The following MGAM variants were observed in gnomAD, a reference collection of about 807,000 sequenced individuals.
The protein encoded by MGAM is maltase-glucoamylase.
Under a neutral mutation model 358.8 loss-of-function variants are expected in MGAM, and 253 were observed. The ratio of observed to expected loss-of-function variants is 0.71; its 90% CI spans 0.64 to 0.78. The LOEUF is 0.78. Ranked by LOEUF, MGAM falls within the 30% of genes least tolerant of loss-of-function variation. The pLI is 0.00. For missense variants in MGAM, 3,080 were observed against 3,432.6 expected (o/e 0.90, Z 2.57); for synonymous variants, 1,105 against 1,227.1 (o/e 0.90, Z 2.08).
At position 142,059,965 on chromosome 7, in the gene MGAM, A is replaced by G; in HGVS notation, c.4058A>G (p.Lys1353Arg). ...AATGATGGAGACATTGTCTGGGGAA[A>G]GGTATAATCCTAAGCGATGATCCAC... Reference protein sequence around the residue: ...YPNDGDIVWGKVWPDFPDVVV... With the variant: ...YPNDGDIVWGRVWPDFPDVVV... The change falls in exon 33 of 71, where the codon AAG becomes AGG. Residue 1353 changes from lysine to arginine, a missense_variant and splice_region_variant. By Grantham distance (26) the Lys-to-Arg change is conservative. This residue lies in a region of MGAM where 1,816 missense variants were observed against 1,840.5 expected (regional missense o/e 0.99). Coordinates refer to ENST00000475668, the MANE Select transcript of MGAM (RefSeq NM_001365693.1). 6.2e-7 allele frequency: 1 copy of G among 1,600,468 alleles called. No homozygotes were observed. The highest frequency in any genetic ancestry group is 8.5e-7 in the Non-Finnish European group (1 of 1,173,146).
At chr7:142,021,784 G>A in intron 6 of MGAM, 47 bp downstream of exon 6, 1 of 1,594,960 alleles carries the variant, frequency 6.3e-7, no homozygotes, top group Non-Finnish European at 8.6e-7. Context: ...AAGGTTACAG[G>A]GAGGTCTGTA....
chr7:142,041,652 A>C (rs1808562941), intron 21 of MGAM, among the ~76,000 whole-genome samples: 1 of 151,298 alleles, frequency 6.6e-6, no homozygotes, highest in African/African-American at 2.4e-5. Flanking sequence ...ACCTTCATGT[A>C]CATACAGACC....
intron 24 of MGAM, 50 bp downstream of exon 24, chr7:142,050,914 C>T (rs561416235): frequency 1.9e-5 from 31 of 1,610,832 alleles, no homozygotes; most frequent in East Asian, 1.1e-4. Flanking sequence ...TCCATAGCAT[C>T]GTGATGTTCC....
chr7:141,999,739 T>C (rs60906512), intron 1 of MGAM, among the ~76,000 whole-genome samples: 2 of 152,162 alleles, frequency 1.3e-5, no homozygotes, highest in East Asian at 1.9e-4. Flanking sequence ...TTAAAAAACA[T>C]TTTTAAAAGC....
intron 3 of MGAM, among the ~76,000 whole-genome samples, chr7:142,013,331 T>TCA (rs1805739670): frequency 6.6e-6 from 1 of 152,100 alleles, no homozygotes; most frequent in Non-Finnish European, 1.5e-5. Flanking sequence ...AAATGGTTGA[T>TCA]GCCACTGACT....
At chr7:142,041,994 ATATAT>A (rs1808773929) in intron 21 of MGAM, among the ~76,000 whole-genome samples, 1 of 14,282 alleles carries the variant, frequency 7.0e-5, no homozygotes, top group African/African-American at 2.4e-4. Context: ...TATAATATAT[ATATAT>A]TATATATATA....
intron 65 of MGAM, among the ~76,000 whole-genome samples, chr7:142,097,067 T>C (rs542615087): frequency 6.6e-6 from 1 of 152,142 alleles, no homozygotes; most frequent in Admixed American, 6.5e-5. Flanking sequence ...TAGCTAGGAC[T>C]ACAGGCACGT....
At chr7:142,022,089 C>G (rs1036321224) in intron 6 of MGAM, among the ~76,000 whole-genome samples, 179 bp from the exon 7 acceptor site, 5 of 152,228 alleles carry the variant, frequency 3.3e-5, no homozygotes, top group Admixed American at 2.6e-4. Flanking sequence ...TGCACATGGT[C>G]CCTTTCTTCA....
intron 10 of MGAM, 159 bp from the exon 11 acceptor site, chr7:142,030,203 A>G (rs745863571): frequency 2.1e-5 from 17 of 803,738 alleles, no homozygotes; most frequent in Admixed American, 1.5e-4. Context: ...TTTGAAATCA[A>G]CATTGGAAAA....
Position 142,086,256 on chromosome 7 carries a change from T to A in MGAM, c.6675T>A (p.Pro2225=). The part of the protein sequence containing the change: ...AISGNETQPY[P]AFTRGVEDDV... ...CTGGCAATGAGACACAGCCCTATCCTGCCTTCACTCGGGGCGTGGAGGATG... is the reference window on the plus strand; with the variant it reads ...CTGGCAATGAGACACAGCCCTATCCAGCCTTCACTCGGGGCGTGGAGGATG... The change falls in exon 56 of 71, where the codon CCT becomes CCA. Residue 2225 remains proline (P), a synonymous_variant. Transcript: ENST00000475668. 6.5e-7 allele frequency: 1 copy of A among 1,544,510 alleles called. No individual in the cohort carries two copies.
At chr7:142,007,537 A>G (rs950440428) in intron 2 of MGAM, among the ~76,000 whole-genome samples, 2 of 152,168 alleles carry the variant, frequency 1.3e-5, no homozygotes, top group Non-Finnish European at 2.9e-5. Context: ...AACTAAAACC[A>G]TTATGCAGAC....
intron 21 of MGAM, among the ~76,000 whole-genome samples, chr7:142,041,489 T>G (rs189648692): frequency 1.6e-4 from 24 of 152,234 alleles, no homozygotes; most frequent in African/African-American, 5.1e-4. Flanking sequence ...ACCTTCAAGC[T>G]GTTCTGCACA....
At chr7:141,998,545 TG>T (rs1554449581) in intron 1 of MGAM, among the ~76,000 whole-genome samples, 2 of 152,204 alleles carry the variant, frequency 1.3e-5, no homozygotes, top group African/African-American at 4.8e-5. Context: ...CTGAGAATGA[TG>T]GCTTCCAGTT....
chr7:142,074,110 A>G lies in MGAM; in HGVS notation c.5212A>G (p.Ile1738Val). 1 of 1,544,356 alleles carries G rather than the reference A, an allele frequency of 6.5e-7. No homozygotes were observed. The highest frequency in any genetic ancestry group is 1.7e-5 in the Admixed American group (1 of 58,308). The change falls in exon 45 of 71, where the codon ATT becomes GTT. Residue 1738 changes from isoleucine (I) to valine (V), a missense_variant. Ile to Val is a conservative substitution (Grantham distance 29). Transcript: ENST00000475668. ...LSRKNPLGLI[I>V]ALDENKEAKG... ...TCGAAAGAACCCTCTTGGTCTTATT[A>G]TTGCCCTAGATGAAAACAAAGAAGC... is the stretch of plus-strand genomic sequence containing the variant.
intron 47 of MGAM, among the ~76,000 whole-genome samples, chr7:142,077,366 G>T (rs932878874): frequency 6.9e-5 from 10 of 145,362 alleles, no homozygotes; most frequent in African/African-American, 2.2e-4. Flanking sequence ...GGGACTAGTA[G>T]AACAGGGAAG....
At chr7:142,060,240 C>G in intron 33 of MGAM, 71 bp from the exon 34 acceptor site, 1 of 1,570,488 alleles carries the variant, frequency 6.4e-7, no homozygotes, top group Non-Finnish European at 8.7e-7. Flanking sequence ...GTTTGTATAA[C>G]AATTTATTAG....
chr7:142,082,294 C>T (rs1814378227), intron 51 of MGAM, 84 bp downstream of exon 51: 1 of 1,452,324 alleles, frequency 6.9e-7, no homozygotes, highest in Admixed American at 1.9e-5. Context: ...TCCCAAACTC[C>T]ACTTGGTCGT....
Position 142,044,439 on chromosome 7 carries a change from TAATG to T in MGAM, c.2499-3342_2499-3339del, listed in dbSNP as rs1224680490. On this transcript the variant is annotated intron_variant, in intron 21 of 70. Transcript: ENST00000475668. ...ATATTATATACACATACGATATATA[TAATG>T]AATATTATATACACATACGATATAT... Among the ~76,000 whole-genome samples, 3 of 138,882 alleles carry T rather than the reference TAATG, an allele frequency of 2.2e-5. 1 individual carries two copies. The highest frequency in any genetic ancestry group is 4.6e-5 in the Non-Finnish European group (3 of 65,548). 91.1% of individuals were successfully genotyped at this position (138,882 alleles called of 152,430 possible).
chr7:142,059,773 C>T (rs571168560), intron 32 of MGAM, 83 bp from the exon 33 acceptor site: 17 of 1,567,018 alleles, frequency 1.1e-5, no homozygotes, highest in Non-Finnish European at 1.4e-5. Flanking sequence ...CCAGCGAGTT[C>T]ACCCTTGAGG....
Sources: gnomAD v4.1 joint callset for allele counts (sites outside exome capture counted in the v4.1 genomes callset) on GRCh38, gnomAD v4.1.1 for gene constraint, gnomAD v4.1.1 regional missense constraint, MANE v1.5 for transcripts, NCBI Gene and HGNC (gene_info 2026-07-23, HGNC 2026-07-21) for gene names.